The following ANO3 variants were observed in gnomAD, a reference collection of about 807,000 sequenced individuals.
ANO3 encodes anoctamin 3, also known as anoctamin-3.
ANO3 carries 99 observed loss-of-function variants against 144.8 expected under a neutral mutation model. The observed-to-expected ratio is 0.68, with a 90% CI of 0.58 to 0.81. The LOEUF is 0.81. Among genes scored for constraint, ANO3 ranks in the 30% least tolerant of loss-of-function variants. The probability of loss-of-function intolerance (pLI) is 0.00; values close to 1 mark genes in which losing one functional copy is unlikely to be tolerated. For synonymous variants in ANO3, 414 were observed against 392.6 expected (o/e 1.05, Z -0.64); for missense variants, 905 against 1,202.2 (o/e 0.75, Z 3.66).
intron 17 of ANO3, among the ~76,000 whole-genome samples, chr11:26,618,456 G>A (rs1032644283): frequency 6.6e-6 from 1 of 152,188 alleles, no homozygotes; most frequent in Middle Eastern, 3.4e-3. Context: ...GCTTCCTGCT[G>A]GTTGGTCTTC....
At chr11:26,520,349 C>T (rs1862024428) in intron 6 of ANO3, among the ~76,000 whole-genome samples, 1 of 151,838 alleles carries the variant, frequency 6.6e-6, no homozygotes. Flanking sequence ...AAGAAGAGTT[C>T]TACTATATCC....
intron 3 of ANO3, among the ~76,000 whole-genome samples, chr11:26,453,092 A>C (rs1334357950): frequency 1.3e-5 from 2 of 152,162 alleles, no homozygotes; most frequent in East Asian, 3.8e-4. Context: ...CTAAACATGG[A>C]AAGGAACAAC....
chr11:26,564,432 T>TA (rs66827456), intron 14 of ANO3, among the ~76,000 whole-genome samples: 111,495 of 149,888 alleles, frequency 0.74, 41,722 homozygotes, highest in Admixed American at 0.8. Flanking sequence ...AACAAATTAT[T>TA]AAAAAAATTT....
At chr11:26,531,112 A>G (rs1179836461) in intron 7 of ANO3, 93 bp from the exon 8 acceptor site, 1 of 1,396,560 alleles carries the variant, frequency 7.2e-7, no homozygotes, top group East Asian at 2.3e-5. Flanking sequence ...CTTTTCAAAG[A>G]AGTTTCTTTA....
chr11:26,548,226 A>T (rs553395566), intron 12 of ANO3, among the ~76,000 whole-genome samples: 283 of 152,122 alleles, frequency 1.9e-3, no homozygotes, highest in African/African-American at 6.4e-3. Context: ...AGTCAAACAT[A>T]TATCAAAATG....
At chr11:26,283,393 G>T (rs1168966048) in intron 1 of ANO3, among the ~76,000 whole-genome samples, 1 of 133,714 alleles carries the variant, frequency 7.5e-6, no homozygotes, top group Non-Finnish European at 1.6e-5. Flanking sequence ...TTCTTAGAAG[G>T]TCCAGGGGAA....
intron 1 of ANO3, among the ~76,000 whole-genome samples, chr11:26,269,135 A>G (rs1203126478): frequency 6.6e-6 from 1 of 152,204 alleles, no homozygotes; most frequent in Non-Finnish European, 1.5e-5. Flanking sequence ...AACAAGACTC[A>G]GTGCACAGCC....
rs1857624276 is a variant in ANO3, at chr11:26,417,470, C to T, written c.47-24448C>T. On this transcript the variant is annotated intron_variant, in intron 1 of 26. Transcript: ENST00000256737. ...TGGGGCTTGGCCTGGGAGGATTCTT[C>T]GCTTTGCACAGGAAATAATTCAAGA... Among the ~76,000 whole-genome samples, 3 of 152,028 alleles carry T rather than the reference C, an allele frequency of 2.0e-5. No homozygotes were observed. The South Asian group carries it at 6.2e-4, about 32-fold the overall frequency.
intron 17 of ANO3, among the ~76,000 whole-genome samples, chr11:26,623,157 C>T (rs1340407825): frequency 1.3e-5 from 2 of 152,164 alleles, no homozygotes; most frequent in Non-Finnish European, 2.9e-5. Context: ...GAGTACTGTA[C>T]TCAGTGTAAT....
intron 17 of ANO3, among the ~76,000 whole-genome samples, chr11:26,613,155 G>A (rs1294699459): frequency 6.6e-6 from 1 of 151,956 alleles, no homozygotes; most frequent in Non-Finnish European, 1.5e-5. Flanking sequence ...ACTTAATGGT[G>A]TTTCATAAGT....
chr11:26,624,080 C>A (rs1053751074), intron 17 of ANO3, among the ~76,000 whole-genome samples: 4 of 152,180 alleles, frequency 2.6e-5, no homozygotes, highest in Non-Finnish European at 5.9e-5. Flanking sequence ...GCCACCGCGC[C>A]CGGCCAAAAA....
intron 1 of ANO3, among the ~76,000 whole-genome samples, chr11:26,301,134 G>C (rs1052273993): frequency 4.5e-5 from 6 of 134,314 alleles, no homozygotes; most frequent in Non-Finnish European, 7.6e-5. Context: ...TTACAAGTGT[G>C]AGCCACCACG....
intron 14 of ANO3, among the ~76,000 whole-genome samples, chr11:26,570,755 A>G (rs1850792033): frequency 6.6e-6 from 1 of 152,168 alleles, no homozygotes; most frequent in Non-Finnish European, 1.5e-5. Flanking sequence ...CTATGTAGCT[A>G]ACATCTCAGG....
At chr11:26,300,484 G>A (rs926891163) in intron 1 of ANO3, among the ~76,000 whole-genome samples, 2 of 152,180 alleles carry the variant, frequency 1.3e-5, no homozygotes, top group Admixed American at 6.5e-5. Flanking sequence ...GGCTGGAGAA[G>A]AATCGAGACA....
At chr11:26,429,687 G>T (rs1242459757) in intron 1 of ANO3, among the ~76,000 whole-genome samples, 1 of 152,108 alleles carries the variant, frequency 6.6e-6, no homozygotes, top group Non-Finnish European at 1.5e-5. Flanking sequence ...AGAAAGAAAG[G>T]TTGCAGTTCT....
chr11:26,614,894 A>G (rs910736939), intron 17 of ANO3, among the ~76,000 whole-genome samples: 1 of 152,060 alleles, frequency 6.6e-6, no homozygotes, highest in African/African-American at 2.4e-5. Context: ...CTTTACTTAC[A>G]ATATAGTTGT....
chr11:26,529,643 G>A (rs995144285), intron 7 of ANO3, among the ~76,000 whole-genome samples: 7 of 148,922 alleles, frequency 4.7e-5, no homozygotes, highest in African/African-American at 1.5e-4. Context: ...CCTGCTATTT[G>A]GACTTACTAT....
chr11:26,628,239 T>C (rs899887303), intron 18 of ANO3, among the ~76,000 whole-genome samples: 5 of 152,152 alleles, frequency 3.3e-5, no homozygotes, highest in African/African-American at 1.2e-4. Flanking sequence ...GAAAAGAGTT[T>C]TCACTTTGTC....
chr11:26,407,229 T>G (rs1404345315), intron 1 of ANO3, among the ~76,000 whole-genome samples: 2 of 151,358 alleles, frequency 1.3e-5, no homozygotes, highest in Non-Finnish European at 3.0e-5. Flanking sequence ...GTAATGAACT[T>G]GTTTATCTCT....
Sources: allele counts gnomAD v4.1 joint callset (sites outside exome capture counted in the v4.1 genomes callset), GRCh38; gene constraint gnomAD v4.1.1; transcripts MANE v1.5; gene names NCBI Gene and HGNC (gene_info 2026-07-23, HGNC 2026-07-21).